Variants in LYSMD3 observed in about 807,000 individuals in gnomAD.
LYSMD3 encodes the protein lysM and putative peptidoglycan-binding domain-containing protein 3.
In LYSMD3, 13 loss-of-function variants were observed where a neutral mutation model predicts 26.1. The observed-to-expected ratio is 0.50, with a 90% CI of 0.32 to 0.79. The LOEUF (loss-of-function observed/expected upper bound fraction) is 0.79, where lower values mean the gene tolerates loss of function less well. Ranked by LOEUF, LYSMD3 falls within the 30% of genes least tolerant of loss-of-function variation. LYSMD3 has a pLI of 0.03. For synonymous variants in LYSMD3, 109 were observed against 119.4 expected, an observed-to-expected ratio of 0.91 and a Z score of 0.57; for missense variants, 331 against 362.5, an observed-to-expected ratio of 0.91 and a Z score of 0.71.
chr5:90,521,858 T>C (rs933645279), intron 2 of LYSMD3, among the ~76,000 whole-genome samples: 2 of 152,166 alleles, frequency 1.3e-5, no homozygotes, highest in African/African-American at 4.8e-5. Context: ...TTAATAATTC[T>C]TAAGATTATT....
Position 90,518,880 on chromosome 5 carries a change from TGTTGGCTGAAATGTATTCCTTTA to T in LYSMD3, c.837_859del (p.Lys280ArgfsTer2), listed in dbSNP as rs1561265446. On this transcript the variant is annotated frameshift_variant, in exon 3 of 3. Coordinates refer to ENST00000315948, the MANE Select transcript of LYSMD3 (RefSeq NM_198273.2). LOFTEE classifies it high-confidence loss of function. ...TTGACTATACAGTTTATGATCATCT[TGTTGGCTGAAATGTATTCCTTTA>T]GTTGGCACAATTCCATTTTCCATTT... is the stretch of plus-strand genomic sequence containing the variant. The T allele has an allele frequency of 6.2e-7, 1 of 1,614,070 alleles. No homozygotes were observed. Among genetic ancestry groups the T allele is most frequent in the Non-Finnish European group, 8.5e-7 (1 of 1,179,936 alleles).
rs2151920335 is a variant in LYSMD3 at position 90,518,402 on chromosome 5, T to C, written c.*417A>G. 6.4e-6 allele frequency: 1 copy of C among 156,892 alleles called. No individual in the cohort carries two copies. Among genetic ancestry groups the C allele is most frequent in the Non-Finnish European group, 1.4e-5 (1 of 71,274 alleles). 9.7% of individuals were successfully genotyped at this position (156,892 alleles called of 1,614,324 possible). A position where few individuals can be genotyped will look rare whatever the true frequency, so the allele number is the denominator to read the frequency against. On this transcript the variant is annotated 3_prime_UTR_variant, in exon 3 of 3. Coordinates refer to ENST00000315948, the MANE Select transcript of LYSMD3 (RefSeq NM_198273.2). ...GAATAATTTTAGAATCAAATTTTCT[T>C]GCAACTGAATATTTTGGGGGTTCAT...
At chr5:90,520,583 G>A (rs960841271) in intron 2 of LYSMD3, 73 of 441,206 alleles carry the variant, frequency 1.7e-4, no homozygotes, top group African/African-American at 1.1e-3. Context: ...ACTCAAGAAC[G>A]ATCTCGGCTA....
intron 1 of LYSMD3, chr5:90,527,036 G>T (rs1047491434): frequency 6.6e-6 from 1 of 152,088 alleles, no homozygotes; most frequent in African/African-American, 2.4e-5. Context: ...CCAGAAGAGG[G>T]AGAAACCATG....
At chr5:90,529,210 G>A (rs1753299461) in intron 1 of LYSMD3, 1 of 353,722 alleles carries the variant, frequency 2.8e-6, no homozygotes, top group Non-Finnish European at 5.6e-6. Context: ...AGGTAATCCA[G>A]CAGGTAGGCG....
rs1193456953 is a variant in LYSMD3 at position 90,519,183 on chromosome 5, A to G, written c.557T>C (p.Val186Ala). The change falls in exon 3 of 3, where the codon GTA (valine) becomes GCA (alanine). Residue 186 changes from valine to alanine, a missense_variant. Physicochemically the swap from Val to Ala is moderately conservative, Grantham distance 64. Around this residue, in one of 3 missense-constraint regions of LYSMD3, gnomAD observed 262 missense variants for 267.3 expected, o/e 0.98. Transcript: ENST00000315948. ...CATTTGTTGTGCTGTTAAGGCCGAT[A>G]CTACCTCATTGAGGTTCTCTCTCTT... The part of the protein sequence containing the change: ...DNKRENLNEV[V>A]SALTAQQMRF... 1 of 1,613,952 alleles carries G rather than the reference A, an allele frequency of 6.2e-7. No individual in the cohort carries two copies. Among genetic ancestry groups the G allele is most frequent in the African/African-American group, 1.3e-5 (1 of 74,920 alleles).
At chr5:90,520,439 G>A in intron 2 of LYSMD3, 1 of 456,212 alleles carries the variant, frequency 2.2e-6, no homozygotes, top group Non-Finnish European at 4.4e-6. Flanking sequence ...GATGGACGAT[G>A]GCATTCATTG....
intron 2 of LYSMD3, among the ~76,000 whole-genome samples, 191 bp downstream of exon 2, chr5:90,524,844 G>A (rs1261816421): frequency 2.0e-5 from 3 of 152,084 alleles, no homozygotes; most frequent in African/African-American, 7.2e-5. Flanking sequence ...CACCCGCCTC[G>A]GCCTCCCAAA....
At chr5:90,519,861 G>C (rs962375382) in intron 2 of LYSMD3, among the ~76,000 whole-genome samples, 1 of 151,382 alleles carries the variant, frequency 6.6e-6, no homozygotes, top group Non-Finnish European at 1.5e-5. Context: ...ATTCCAGTTT[G>C]GAAACTGGAA....
chr5:90,526,906 G>A (rs1409833379), intron 1 of LYSMD3: 1 of 152,138 alleles, frequency 6.6e-6, no homozygotes, highest in South Asian at 2.1e-4. Context: ...GAATTTGTGA[G>A]TACATATATT....
chr5:90,518,993 AC>A lies in LYSMD3; in HGVS notation c.746del (p.Ser249IlefsTer61). On this transcript the variant is annotated frameshift_variant, in exon 3 of 3. Coordinates refer to ENST00000315948, the MANE Select transcript of LYSMD3 (RefSeq NM_198273.2). LOFTEE classifies it high-confidence loss of function. The stretch of plus-strand genomic sequence containing the variant: ...GTGAAGAGTCCACTGTTGAATGATG[AC>A]TAACATCCACCTTAGCTAAAATTTC... ...YYEILAKVDV[S>X]HHSTVDSSHL... The A allele has an allele frequency of 6.2e-7, 1 of 1,614,090 alleles. No individual in the cohort carries two copies. Among genetic ancestry groups the A allele is most frequent in the African/African-American group, 1.3e-5 (1 of 75,042 alleles).
At chr5:90,522,785 A>G (rs1023201909) in intron 2 of LYSMD3, among the ~76,000 whole-genome samples, 1 of 151,906 alleles carries the variant, frequency 6.6e-6, no homozygotes, top group African/African-American at 2.4e-5. Context: ...AGTCTGTGCC[A>G]CTCACTTCGG....
intron 1 of LYSMD3, 80 bp downstream of exon 1, chr5:90,529,368 C>A (rs1357095978): frequency 6.6e-6 from 3 of 456,066 alleles, no homozygotes; most frequent in African/African-American, 2.0e-5. Context: ...CGAGGCTCAG[C>A]GCCTCCCGTG....
Position 90,529,569 on chromosome 5 carries a change from T to C in LYSMD3, c.-133A>G. On this transcript the variant is annotated 5_prime_UTR_variant, in exon 1 of 3. Transcript: ENST00000315948. Reference sequence around the variant, plus strand: ...GGCTGACCCCGTCCGCCTCCGCCTCTGCCGCCAACGTCTCCGCCTTCCGGG... The same window carrying C: ...GGCTGACCCCGTCCGCCTCCGCCTCCGCCGCCAACGTCTCCGCCTTCCGGG... 2.2e-6 allele frequency: 1 copy of C among 456,154 alleles called. No homozygotes were observed. Among genetic ancestry groups the C allele is most frequent in the South Asian group, 1.5e-5 (1 of 64,546 alleles). The allele number at this position is 456,154 out of a possible 1,614,324, so 28.3% of individuals were successfully genotyped here.
Position 90,519,245 on chromosome 5 carries a change from G to A in LYSMD3, c.495C>T (p.Asp165=). Residue 165 remains aspartate (D), a synonymous_variant, in exon 3 of 3, where the codon GAC becomes GAT. Transcript: ENST00000315948. ...DSAGSFLKEV[D]RDIEQIVKCT... is the part of the protein sequence containing the mutation. The stretch of plus-strand genomic sequence containing the variant: ...ACTTTACTATTTGTTCTATGTCTCG[G>A]TCTACTTCTTTTAAAAAGCTACCAG... 6.2e-7 allele frequency: 1 copy of A among 1,613,810 alleles called. No homozygotes were observed. The highest frequency in any genetic ancestry group is 8.5e-7 in the Non-Finnish European group (1 of 1,179,972).
chr5:90,522,252 C>T (rs1430485157), intron 2 of LYSMD3, among the ~76,000 whole-genome samples: 1 of 152,182 alleles, frequency 6.6e-6, no homozygotes, highest in African/African-American at 2.4e-5. Flanking sequence ...TGCCTTCTGC[C>T]GTTAAGTAAA....
chr5:90,528,131 CTTTT>C (rs916394577), intron 1 of LYSMD3, among the ~76,000 whole-genome samples: 8 of 152,096 alleles, frequency 5.3e-5, no homozygotes, highest in African/African-American at 1.7e-4. Context: ...TTAACCAGGT[CTTTT>C]TTTAATCTTG....
At chr5:90,526,147 G>A (rs1295564052) in intron 1 of LYSMD3, among the ~76,000 whole-genome samples, 1 of 152,106 alleles carries the variant, frequency 6.6e-6, no homozygotes, top group Non-Finnish European at 1.5e-5. Flanking sequence ...TTCAGGATTG[G>A]AGTATCTTTC....
intron 2 of LYSMD3, among the ~76,000 whole-genome samples, chr5:90,520,108 T>G (rs2151920868): frequency 6.6e-6 from 1 of 152,302 alleles, no homozygotes; most frequent in South Asian, 2.1e-4. Context: ...CCTCCCAAAC[T>G]TCTCAGTGTA....
Sources: allele counts gnomAD v4.1 joint callset (sites outside exome capture counted in the v4.1 genomes callset), GRCh38; gene constraint gnomAD v4.1.1; regional missense constraint gnomAD v4.1.1; transcripts MANE v1.5; gene names NCBI Gene and HGNC (gene_info 2026-07-23, HGNC 2026-07-21).